Variants in PTPRD observed in about 807,000 individuals in gnomAD.
The protein encoded by PTPRD is receptor-type tyrosine-protein phosphatase delta.
Under a neutral mutation model 214.5 loss-of-function variants are expected in PTPRD, and 34 were observed. The observed-to-expected ratio is 0.16, with a 90% CI of 0.12 to 0.21. The LOEUF (loss-of-function observed/expected upper bound fraction) is 0.21, where lower values mean the gene tolerates loss of function less well. Ranked by LOEUF, PTPRD falls within the 10% of genes least tolerant of loss-of-function variation. PTPRD has a pLI of 1.00. For missense variants in PTPRD, 2,545 were observed against 2,398.7 expected (o/e 1.06, Z -1.27); for synonymous variants, 1,128 against 845.7 (o/e 1.33, Z -5.79).
chr9:8,525,183 G>C (rs770470399), intron 17 of PTPRD, 148 bp from the exon 18 acceptor site: 11 of 766,648 alleles, frequency 1.4e-5, no homozygotes, highest in African/African-American at 3.4e-5. Context: ...TGCACAGACA[G>C]AAAATGATGC....
intron 35 of PTPRD, among the ~76,000 whole-genome samples, chr9:8,424,883 A>G (rs1397386963): frequency 6.6e-6 from 1 of 152,180 alleles, no homozygotes. Flanking sequence ...TGCTTCATGC[A>G]TGAACTTTTA....
intron 3 of PTPRD, among the ~76,000 whole-genome samples, chr9:10,261,333 G>C (rs552410652): frequency 6.6e-6 from 1 of 151,904 alleles, no homozygotes; most frequent in African/African-American, 2.4e-5. Flanking sequence ...TAATATATGA[G>C]TTAAGTGTAA....
At chr9:8,672,050 A>G (rs2097298512) in intron 12 of PTPRD, among the ~76,000 whole-genome samples, 1 of 152,192 alleles carries the variant, frequency 6.6e-6, no homozygotes, top group Non-Finnish European at 1.5e-5. Context: ...TTACCAGTTA[A>G]GGCTATTATC....
chr9:9,014,839 C>A (rs1041538582), intron 11 of PTPRD, among the ~76,000 whole-genome samples: 22 of 152,120 alleles, frequency 1.4e-4, no homozygotes, highest in Non-Finnish European at 3.1e-4. Flanking sequence ...TTCAACCTTT[C>A]TCCAAAATCA....
At chr9:9,779,645 C>A (rs117272187) in intron 5 of PTPRD, among the ~76,000 whole-genome samples, 6,164 of 152,124 alleles carry the variant, frequency 0.041, 587 homozygotes, top group East Asian at 0.39. Context: ...CCAATCAAAA[C>A]CACAGTGAGA....
chr9:8,323,005 T>A (rs1056162432), intron 44 of PTPRD, among the ~76,000 whole-genome samples: 1 of 152,104 alleles, frequency 6.6e-6, no homozygotes, highest in African/African-American at 2.4e-5. Context: ...GTCAAAAGCT[T>A]GAAAAAATTA....
At chr9:9,633,267 A>C (rs2095650090) in intron 7 of PTPRD, among the ~76,000 whole-genome samples, 1 of 151,464 alleles carries the variant, frequency 6.6e-6, no homozygotes, top group African/African-American at 2.4e-5. Context: ...TGCATTCCAC[A>C]CTCCAGCCTG....
At chr9:8,919,383 C>T (rs944324105) in intron 11 of PTPRD, among the ~76,000 whole-genome samples, 1 of 104,890 alleles carries the variant, frequency 9.5e-6, no homozygotes, top group African/African-American at 3.6e-5. Flanking sequence ...CAGAGTGAGA[C>T]CCTGTCTCAA....
intron 3 of PTPRD, among the ~76,000 whole-genome samples, chr9:10,201,604 G>A (rs1461584765): frequency 6.6e-6 from 1 of 151,950 alleles, no homozygotes; most frequent in Non-Finnish European, 1.5e-5. Flanking sequence ...ATGTGTGTGT[G>A]TATATGAATT....
At chr9:9,894,295 A>G (rs576576645) in intron 5 of PTPRD, among the ~76,000 whole-genome samples, 74 of 152,092 alleles carry the variant, frequency 4.9e-4, no homozygotes, top group African/African-American at 1.7e-3. Context: ...AGATTATAGT[A>G]TCTCCTCATA....
chr9:9,833,182 C>A (rs933668907), intron 5 of PTPRD, among the ~76,000 whole-genome samples: 1 of 151,928 alleles, frequency 6.6e-6, no homozygotes, highest in African/African-American at 2.4e-5. Flanking sequence ...AGGGGACCTG[C>A]CCCGATAATC....
intron 3 of PTPRD, among the ~76,000 whole-genome samples, chr9:10,249,211 ACAGCCATTAATCACTAAAGACAAGATC>A (rs1405477672): frequency 2.0e-5 from 3 of 152,200 alleles, no homozygotes; most frequent in Non-Finnish European, 4.4e-5. Context: ...AAAAAAGGTT[ACAGCCATTAATCACTAAAGACAAGATC>A]CAGTGATTGT....
intron 11 of PTPRD, among the ~76,000 whole-genome samples, chr9:8,788,057 C>A (rs1285638003): frequency 6.6e-6 from 1 of 151,966 alleles, no homozygotes; most frequent in Non-Finnish European, 1.5e-5. Flanking sequence ...TGAAAATGTT[C>A]CATTACATCA....
intron 2 of PTPRD, among the ~76,000 whole-genome samples, chr9:10,351,941 C>A (rs1317304478): frequency 1.3e-5 from 2 of 151,760 alleles, no homozygotes; most frequent in Non-Finnish European, 2.9e-5. Flanking sequence ...AAAAACAGAC[C>A]GAGTTTTGAG....
At chr9:9,737,701 C>T (rs2098324827) in intron 6 of PTPRD, among the ~76,000 whole-genome samples, 1 of 152,172 alleles carries the variant, frequency 6.6e-6, no homozygotes, top group Non-Finnish European at 1.5e-5. Flanking sequence ...AAAAATATTT[C>T]ATCGAATGGA....
At chr9:9,305,752 C>CA in intron 9 of PTPRD, among the ~76,000 whole-genome samples, 1 of 151,990 alleles carries the variant, frequency 6.6e-6, no homozygotes, top group East Asian at 1.9e-4. Context: ...GATGTAGAGA[C>CA]ACAAAAAAGA....
chr9:9,482,368 GT>G (rs2095451972), intron 8 of PTPRD, among the ~76,000 whole-genome samples: 1 of 152,120 alleles, frequency 6.6e-6, no homozygotes, highest in African/African-American at 2.4e-5. Flanking sequence ...ATCTAGTCTT[GT>G]TTAAAAAATT....
intron 11 of PTPRD, among the ~76,000 whole-genome samples, chr9:8,843,129 A>C (rs190205638): frequency 6.6e-6 from 1 of 152,304 alleles, no homozygotes; most frequent in East Asian, 1.9e-4. Flanking sequence ...GACAAAAATC[A>C]CTTGGAAAGC....
chr9:8,614,001 A>T (rs1042515418), intron 14 of PTPRD, among the ~76,000 whole-genome samples: 1 of 151,834 alleles, frequency 6.6e-6, no homozygotes, highest in Non-Finnish European at 1.5e-5. Flanking sequence ...CATTATGGTA[A>T]GTCTGGGAGG....
Sources: gnomAD v4.1 joint callset for allele counts (sites outside exome capture counted in the v4.1 genomes callset) on GRCh38, gnomAD v4.1.1 for gene constraint, MANE v1.5 for transcripts, NCBI Gene and HGNC (gene_info 2026-07-23, HGNC 2026-07-21) for gene names.